The following MTFR1 variants were observed in gnomAD, a reference collection of about 807,000 sequenced individuals.
The protein encoded by MTFR1 is chondrocyte protein with a poly-proline region.
A neutral mutation model predicts 38.8 loss-of-function variants in MTFR1; 28 were observed. That is an observed-to-expected ratio of 0.72 (90% CI 0.53 to 0.99). The LOEUF is 0.99. MTFR1 is among the 50% of genes least tolerant of loss of function. MTFR1 has a pLI of 0.00. For synonymous variants in MTFR1, 145 were observed against 137.0 expected, an observed-to-expected ratio of 1.06 and a Z score of -0.41; for missense variants, 358 against 395.5, an observed-to-expected ratio of 0.91 and a Z score of 0.81.
intron 3 of MTFR1, among the ~76,000 whole-genome samples, chr8:65,725,891 T>C (rs1585828173): frequency 6.6e-6 from 1 of 152,168 alleles, no homozygotes; most frequent in South Asian, 2.1e-4. Context: ...ACATATACAG[T>C]GTGTTTAAGC....
downstream of MTFR1, among the ~76,000 whole-genome samples, chr8:65,772,056 T>C (rs1410835250): frequency 2.6e-5 from 4 of 152,200 alleles, no homozygotes; most frequent in South Asian, 2.1e-4. Flanking sequence ...GAATAGGCTA[T>C]GTAAGCATAC....
chr8:65,754,099 C>T (rs771222234), intron 3 of MTFR1, among the ~76,000 whole-genome samples: 1 of 152,042 alleles, frequency 6.6e-6, no homozygotes, highest in Non-Finnish European at 1.5e-5. Context: ...AGTCTGAGTC[C>T]CAGAACTGAA....
chr8:65,765,380 T>C (rs376907679), intron 3 of MTFR1, among the ~76,000 whole-genome samples: 2 of 144,896 alleles, frequency 1.4e-5, no homozygotes, highest in African/African-American at 5.1e-5. Context: ...TCCCAGCTAC[T>C]CGGGAGGCTG....
At chr8:65,729,561 C>G (rs573103667) in intron 3 of MTFR1, among the ~76,000 whole-genome samples, 194 of 152,116 alleles carry the variant, frequency 1.3e-3, no homozygotes, top group African/African-American at 4.4e-3. Flanking sequence ...GATGCTACCT[C>G]TGAAAACAGA....
intron 3 of MTFR1, among the ~76,000 whole-genome samples, chr8:65,731,994 TG>T (rs1432695160): frequency 3.3e-5 from 5 of 151,752 alleles, no homozygotes; most frequent in African/African-American, 4.8e-5. Flanking sequence ...TTATTGTTGT[TG>T]TTGTTGTTGT....
chr8:65,702,315 T>C (rs1317229516), intron 4 of MTFR1, among the ~76,000 whole-genome samples: 2 of 149,364 alleles, frequency 1.3e-5, no homozygotes, highest in African/African-American at 4.9e-5. Context: ...TTTTTTTTTT[T>C]TTGAGACAGA....
chr8:65,703,986 A>G (rs920801423), intron 4 of MTFR1, among the ~76,000 whole-genome samples: 2 of 152,046 alleles, frequency 1.3e-5, no homozygotes, highest in Non-Finnish European at 2.9e-5. Flanking sequence ...GGCCAAAGCT[A>G]GAGGATCCTT....
intron 3 of MTFR1, among the ~76,000 whole-genome samples, chr8:65,740,192 CA>C (rs1285127902): frequency 6.6e-6 from 1 of 151,970 alleles, no homozygotes; most frequent in African/African-American, 2.4e-5. Flanking sequence ...GGGGGAATCA[CA>C]AAACTAGGCA....
At position 65,710,513 on chromosome 8, in the gene MTFR1, G is replaced by A. The variant is rs1805913445; in HGVS notation, c.*1469G>A. 6.6e-6 allele frequency: 1 copy of A among 152,586 alleles called. No homozygotes were observed. Among genetic ancestry groups the A allele is most frequent in the Non-Finnish European group, 1.5e-5 (1 of 68,028 alleles). The allele number at this position is 152,586 out of a possible 1,614,324, so 9.5% of individuals were successfully genotyped here. On this transcript the variant is annotated 3_prime_UTR_variant, in exon 8 of 8. Transcript: ENST00000262146. ...ATTTTGGACAGTGCCCCCATATAAG[G>A]AAGTTACTGTTTTAAAATAAAGCAA...
At chr8:65,769,664 C>G (rs138850847) in intron 3 of MTFR1, among the ~76,000 whole-genome samples, 2 of 151,972 alleles carry the variant, frequency 1.3e-5, no homozygotes, top group South Asian at 2.1e-4. Context: ...GGGAGGCTGA[C>G]GCAGGCAGAT....
chr8:65,706,681 G>T (rs1435712833), intron 5 of MTFR1, among the ~76,000 whole-genome samples: 2 of 152,128 alleles, frequency 1.3e-5, no homozygotes, highest in African/African-American at 4.8e-5. Context: ...ATGTAGACTT[G>T]TTTTTGCAGT....
intron 1 of MTFR1, among the ~76,000 whole-genome samples, chr8:65,656,514 T>G (rs1313889750): frequency 6.7e-6 from 1 of 149,910 alleles, no homozygotes; most frequent in Non-Finnish European, 1.5e-5. Context: ...TTTTTTTTTT[T>G]TTTTTGAGAT....
At chr8:65,671,089 C>T (rs993666799) in intron 2 of MTFR1, among the ~76,000 whole-genome samples, 2 of 151,994 alleles carry the variant, frequency 1.3e-5, no homozygotes, top group African/African-American at 4.8e-5. Context: ...CTGTTTTCTT[C>T]GGAGATTAAA....
At chr8:65,767,616 G>A (rs1207326380) in intron 3 of MTFR1, among the ~76,000 whole-genome samples, 1 of 152,106 alleles carries the variant, frequency 6.6e-6, no homozygotes. Flanking sequence ...ATACCCTGGG[G>A]GAATCTGGGG....
At chr8:65,727,357 C>A (rs1220065464) in intron 3 of MTFR1, 1 of 1,599,954 alleles carries the variant, frequency 6.3e-7, no homozygotes, top group Non-Finnish European at 8.5e-7. Context: ...AAGCTCTACG[C>A]CATCACAGTA....
At chr8:65,728,682 T>C (rs779680174) in intron 3 of MTFR1, 2 of 152,182 alleles carry the variant, frequency 1.3e-5, no homozygotes, top group Admixed American at 6.5e-5. Context: ...CCTTGACATA[T>C]ACATGAATGG....
intron 4 of MTFR1, among the ~76,000 whole-genome samples, chr8:65,701,332 G>C (rs1327011816): frequency 6.6e-6 from 1 of 152,174 alleles, no homozygotes; most frequent in Non-Finnish European, 1.5e-5. Context: ...CATTTGTACT[G>C]TATGATGAAA....
intron 3 of MTFR1, among the ~76,000 whole-genome samples, chr8:65,765,002 G>A (rs936411966): frequency 2.6e-5 from 4 of 152,188 alleles, no homozygotes; most frequent in African/African-American, 7.2e-5. Flanking sequence ...CACAGCCATA[G>A]TCAATTCAAT....
intron 1 of MTFR1, among the ~76,000 whole-genome samples, chr8:65,651,451 T>A (rs1426334825): frequency 3.9e-5 from 6 of 152,266 alleles, no homozygotes; most frequent in Admixed American, 6.5e-5. Context: ...GATTTAAGTC[T>A]TTAATCCATT....
Sources: gnomAD v4.1 joint callset for allele counts (sites outside exome capture counted in the v4.1 genomes callset) on GRCh38, gnomAD v4.1.1 for gene constraint, MANE v1.5 for transcripts, NCBI Gene and HGNC (gene_info 2026-07-23, HGNC 2026-07-21) for gene names.